Variants in ANKRD36C observed in about 807,000 individuals in gnomAD.
ANKRD36C encodes the protein ankyrin repeat domain 36C.
ANKRD36C carries 61 observed loss-of-function variants against 276.4 expected under a neutral mutation model. The observed-to-expected ratio is 0.22, with a 90% CI of 0.18 to 0.27. The LOEUF (loss-of-function observed/expected upper bound fraction) is 0.27. ANKRD36C is among the 10% of genes least tolerant of loss of function. The pLI is 1.00. For synonymous variants in ANKRD36C, 483 were observed against 680.1 expected, an observed-to-expected ratio of 0.71 and a Z score of 4.51; for missense variants, 1,447 against 2,032.3, an observed-to-expected ratio of 0.71 and a Z score of 5.54.
In ANKRD36C at chr2:95,915,176, T is replaced by C. The variant is rs1198699703; in HGVS notation, c.2449+804A>G. Among the ~76,000 whole-genome samples the C allele has an allele frequency of 1.4e-4, 21 of 150,808 alleles. No individual in the cohort carries two copies. In the East Asian group the frequency reaches 3.4e-3, roughly 25 times the overall value. On this transcript the variant is annotated intron_variant, in intron 38 of 66. Coordinates refer to ENST00000456556, the Ensembl canonical transcript of ANKRD36C. Reference sequence around the variant, plus strand: ...AATAGCCTTGTTAGGAGTATCATGTTATTTTCTAAAGAAGTTTCATTAAAC... The same window carrying C: ...AATAGCCTTGTTAGGAGTATCATGTCATTTTCTAAAGAAGTTTCATTAAAC...
At chr2:95,975,604 T>C (rs1185214815) in intron 6 of ANKRD36C, among the ~76,000 whole-genome samples, 1 of 152,200 alleles carries the variant, frequency 6.6e-6, no homozygotes, top group Non-Finnish European at 1.5e-5. Flanking sequence ...ATCCCTTCCT[T>C]ACATCTTATA....
At chr2:95,949,145 A>G (rs1462066216) in intron 16 of ANKRD36C, among the ~76,000 whole-genome samples, 1 of 152,178 alleles carries the variant, frequency 6.6e-6, no homozygotes, top group Non-Finnish European at 1.5e-5. Context: ...ACCCTAGAAC[A>G]CTACAGGGAA....
intron 6 of ANKRD36C, among the ~76,000 whole-genome samples, chr2:95,973,506 T>C (rs1261516310): frequency 6.6e-6 from 1 of 152,268 alleles, no homozygotes; most frequent in Non-Finnish European, 1.5e-5. Context: ...CCATTGGCTA[T>C]AATACTGTAC....
chr2:95,906,463 G>A (rs1300146216), intron 42 of ANKRD36C, among the ~76,000 whole-genome samples, 168 bp downstream of exon 50: 1 of 115,728 alleles, frequency 8.6e-6, no homozygotes, highest in Non-Finnish European at 1.9e-5. Flanking sequence ...TGAAGATCAT[G>A]TTCCAGACCA....
chr2:95,943,809 A>G (rs1327549299), intron 19 of ANKRD36C, among the ~76,000 whole-genome samples: 1 of 151,968 alleles, frequency 6.6e-6, no homozygotes, highest in Non-Finnish European at 1.5e-5. Context: ...GAAATTTTAA[A>G]AAGTGAGGAT....
intron 6 of ANKRD36C, among the ~76,000 whole-genome samples, chr2:95,976,105 C>A (rs538880530): frequency 1.3e-5 from 2 of 152,074 alleles, no homozygotes; most frequent in African/African-American, 2.4e-5. Context: ...GTTAGAATGG[C>A]GATCATTAAA....
At chr2:95,914,362 C>A (rs535315129) in intron 38 of ANKRD36C, 59 bp from the exon 41 acceptor site, 1 of 1,527,016 alleles carries the variant, frequency 6.5e-7, no homozygotes, top group Non-Finnish European at 8.9e-7. Flanking sequence ...ATTATCCATA[C>A]ATTCATGCAG....
At chr2:95,966,931 A>G (rs1404277011) in intron 6 of ANKRD36C, among the ~76,000 whole-genome samples, 2 of 152,102 alleles carry the variant, frequency 1.3e-5, no homozygotes, top group Non-Finnish European at 2.9e-5. Context: ...GGAATTGTGT[A>G]TGGGAGTTCA....
At chr2:95,893,758 T>C (rs761800184) in intron 44 of ANKRD36C, 34 bp from the exon 63 acceptor site, 7 of 1,603,884 alleles carry the variant, frequency 4.4e-6, no homozygotes, top group Admixed American at 1.7e-5. Flanking sequence ...ATCACTCATA[T>C]GTAAATATGA....
At chr2:95,885,900 G>T in intron 52 of ANKRD36C, 148 bp downstream of exon 72, 3 of 1,409,252 alleles carry the variant, frequency 2.1e-6, no homozygotes, top group Non-Finnish European at 2.0e-6. Context: ...CACCATCAGG[G>T]TCACCCGAGG....
rs940479471 is a variant in ANKRD36C at position 95,983,539 on chromosome 2, T to C, written c.487-1177A>G. 2.6e-5 allele frequency among the ~76,000 whole-genome samples: 4 copies of C among 151,966 alleles called. No homozygotes were observed. The East Asian group carries it at 5.8e-4, about 22-fold the overall frequency. ...CAATTAAAGCTCTAATAATGACTTA[T>C]ATGTATTATTTATAGCATAGTGAAA... On this transcript the variant is annotated intron_variant, in intron 3 of 66. Coordinates refer to ENST00000456556, the Ensembl canonical transcript of ANKRD36C.
At chr2:95,874,552 G>T (rs910662815) in intron 59 of ANKRD36C, among the ~76,000 whole-genome samples, 1 of 152,168 alleles carries the variant, frequency 6.6e-6, no homozygotes, top group Non-Finnish European at 1.5e-5. Flanking sequence ...AGGCTTAAAC[G>T]TTAGACCTAA....
intron 13 of ANKRD36C, among the ~76,000 whole-genome samples, chr2:95,954,474 T>C (rs1039915314): frequency 7.2e-5 from 11 of 152,178 alleles, no homozygotes; most frequent in African/African-American, 2.7e-4. Context: ...CTAATCTGTG[T>C]CACTGGAAAA....
At chr2:95,890,081 GTCC>G in intron 46 of ANKRD36C, 87 bp from the exon 67 acceptor site, 1 of 1,504,164 alleles carries the variant, frequency 6.6e-7, no homozygotes, top group Non-Finnish European at 9.2e-7. Flanking sequence ...ATCAATCTCT[GTCC>G]TCCTGCCTGT....
At chr2:95,927,996 C>A (rs1677456922) in intron 26 of ANKRD36C, among the ~76,000 whole-genome samples, 1 of 151,592 alleles carries the variant, frequency 6.6e-6, no homozygotes, top group Non-Finnish European at 1.5e-5. Flanking sequence ...TAATAATTTG[C>A]CTAAGTTTCT....
At position 95,895,542 on chromosome 2, in the gene ANKRD36C, A is replaced by G; in HGVS notation, c.2755+3603T>C. 6.6e-7 allele frequency: 1 copy of G among 1,516,872 alleles called. No individual in the cohort carries two copies. The highest frequency in any genetic ancestry group is 1.2e-5 in the South Asian group (1 of 86,412). The allele number at this position is 1,516,872 out of a possible 1,614,324, so 94.0% of individuals were successfully genotyped here. On this transcript the variant is annotated intron_variant, in intron 44 of 66. Transcript: ENST00000456556. ...GGCTTTACATTTACTAGCTCACAAT[A>G]TAAATGAGAGTTTTATTACCTTCAA... is the stretch of plus-strand genomic sequence containing the variant.
At chr2:95,963,982 T>TATAAATATATATATATAA (rs1678525001) in intron 6 of ANKRD36C, among the ~76,000 whole-genome samples, 3 of 14,204 alleles carry the variant, frequency 2.1e-4, no homozygotes, top group African/African-American at 1.7e-3. Context: ...AATATATATA[T>TATAAATATATATATATAA]ATATATATAT....
chr2:95,947,627 C>A (rs1372204185), intron 17 of ANKRD36C, among the ~76,000 whole-genome samples: 4 of 151,984 alleles, frequency 2.6e-5, no homozygotes, highest in African/African-American at 9.7e-5. Flanking sequence ...ATGCAAAAAC[C>A]TTGTGAAATT....
chr2:95,934,259 A>G (rs1368368004), intron 24 of ANKRD36C, among the ~76,000 whole-genome samples: 2 of 152,066 alleles, frequency 1.3e-5, no homozygotes, highest in Non-Finnish European at 2.9e-5. Flanking sequence ...CTGAATACAT[A>G]CCCCAAAGAT....
Sources: gnomAD v4.1 joint callset for allele counts (sites outside exome capture counted in the v4.1 genomes callset) on GRCh38, gnomAD v4.1.1 for gene constraint, MANE v1.5 for transcripts, NCBI Gene and HGNC (gene_info 2026-07-23, HGNC 2026-07-21) for gene names.